INSC: variants seen among roughly 807,000 people sequenced by gnomAD.
INSC encodes the protein protein inscuteable homolog.
INSC carries 67 observed loss-of-function variants against 58.6 expected under a neutral mutation model. The ratio of observed to expected loss-of-function variants is 1.14; its 90% CI spans 0.94 to 1.40. INSC has a LOEUF of 1.40. Among genes scored for constraint, INSC ranks in the 40% most tolerant of loss-of-function variants. The pLI is 0.00. For missense variants in INSC, 714 were observed against 692.0 expected (o/e 1.03, Z -0.36); for synonymous variants, 262 against 276.1 (o/e 0.95, Z 0.51).
In INSC at chr11:15,114,992, C is replaced by G; in HGVS notation, c.-57C>G. On this transcript the variant is annotated 5_prime_UTR_variant, in exon 1 of 13. Transcript: ENST00000379556. ...CTGGCCGCTCGCACTACCAGCCTGT[C>G]TCGCACGCTAAGTAAGTAGACAGCT... is the stretch of plus-strand genomic sequence containing the variant. The G allele has an allele frequency of 1.0e-6, 1 of 985,482 alleles. No individual in the cohort carries two copies. Among genetic ancestry groups the G allele is most frequent in the Non-Finnish European group, 1.2e-6 (1 of 829,952 alleles). The allele number at this position is 985,482 out of a possible 1,614,324, so 61.0% of individuals were successfully genotyped here. A position where few individuals can be genotyped will look rare whatever the true frequency, so the allele number is the denominator to read the frequency against.
At chr11:15,127,409 G>A (rs756359241) in intron 1 of INSC, among the ~76,000 whole-genome samples, 3 of 152,218 alleles carry the variant, frequency 2.0e-5, no homozygotes, top group Non-Finnish European at 4.4e-5. Flanking sequence ...CTAGTGGGGA[G>A]GGCTGAAGCT....
intron 2 of INSC, among the ~76,000 whole-genome samples, chr11:15,159,393 A>G (rs1848936273): frequency 6.6e-6 from 1 of 152,214 alleles, no homozygotes; most frequent in Admixed American, 6.5e-5. Flanking sequence ...GAATTATCCT[A>G]AATGTCCACT....
chr11:15,156,261 C>T (rs1304289661), intron 2 of INSC, among the ~76,000 whole-genome samples: 2 of 152,170 alleles, frequency 1.3e-5, no homozygotes, highest in Non-Finnish European at 2.9e-5. Flanking sequence ...AAAGACCAGA[C>T]ACTCCATCGT....
chr11:15,256,491 A>G, the INSC span, among the ~76,000 whole-genome samples: 1 of 142,008 alleles, frequency 7.0e-6, no homozygotes. Context: ...ATTTCATTTC[A>G]TTTTTTTTTT....
chr11:15,214,792 T>C (rs2133915387), intron 7 of INSC, among the ~76,000 whole-genome samples: 1 of 152,298 alleles, frequency 6.6e-6, no homozygotes, highest in South Asian at 2.1e-4. Context: ...ACTGTTATTT[T>C]GGGAGTGGGT....
chr11:15,183,360 A>G (rs1849848194), intron 5 of INSC, among the ~76,000 whole-genome samples: 1 of 151,820 alleles, frequency 6.6e-6, no homozygotes, highest in African/African-American at 2.4e-5. Context: ...TCAAAAAAAA[A>G]AAAAAAAAAA....
At chr11:15,216,438 G>C (rs1851221491) in intron 7 of INSC, among the ~76,000 whole-genome samples, 1 of 152,082 alleles carries the variant, frequency 6.6e-6, no homozygotes, top group Non-Finnish European at 1.5e-5. Context: ...TCGTGTTGCT[G>C]TGCGTCTTTG....
chr11:15,183,351 CAA>C (rs66894801), intron 5 of INSC, among the ~76,000 whole-genome samples: 54 of 80,728 alleles, frequency 6.7e-4, no homozygotes, highest in Middle Eastern at 7.0e-3. Context: ...AACTCCATCT[CAA>C]AAAAAAAAAA....
chr11:15,265,092 G>C, the INSC span, among the ~76,000 whole-genome samples: 1 of 152,062 alleles, frequency 6.6e-6, no homozygotes, highest in Admixed American at 6.6e-5. Flanking sequence ...AAAGTGTTGT[G>C]CATTGTATAG....
chr11:15,215,798 G>A (rs1851194703), intron 7 of INSC, among the ~76,000 whole-genome samples: 1 of 152,138 alleles, frequency 6.6e-6, no homozygotes, highest in African/African-American at 2.4e-5. Context: ...CAGTGATGTG[G>A]CAATGGGGAG....
intron 8 of INSC, among the ~76,000 whole-genome samples, chr11:15,224,145 G>A (rs1348509535): frequency 6.6e-6 from 1 of 152,054 alleles, no homozygotes; most frequent in Non-Finnish European, 1.5e-5. Flanking sequence ...GATAAAAATG[G>A]GATTGTTGTA....
intron 2 of INSC, among the ~76,000 whole-genome samples, chr11:15,166,550 G>A (rs1849202820): frequency 6.6e-6 from 1 of 152,200 alleles, no homozygotes; most frequent in Non-Finnish European, 1.5e-5. Flanking sequence ...GCAGAGGATA[G>A]GGTGGGTTTG....
chr11:15,232,200 AC>A (rs1262358060), intron 9 of INSC, among the ~76,000 whole-genome samples: 9 of 152,174 alleles, frequency 5.9e-5, no homozygotes, highest in African/African-American at 2.2e-4. Flanking sequence ...GGACAGGCTC[AC>A]CTTTGGGAGG....
At chr11:15,153,928 G>A (rs903666375) in intron 2 of INSC, among the ~76,000 whole-genome samples, 1 of 152,310 alleles carries the variant, frequency 6.6e-6, no homozygotes, top group African/African-American at 2.4e-5. Context: ...CTGTCACTCA[G>A]CCTTCAGTAA....
At chr11:15,251,479 A>G (rs1402925694), downstream of INSC, among the ~76,000 whole-genome samples, 3 of 152,346 alleles carry the variant, frequency 2.0e-5, no homozygotes, top group East Asian at 5.8e-4. Context: ...CAACTCATGG[A>G]ATAGGCAAAA....
chr11:15,262,157 A>T, the INSC span, among the ~76,000 whole-genome samples: 3 of 152,100 alleles, frequency 2.0e-5, no homozygotes, highest in Admixed American at 2.0e-4. Flanking sequence ...TATCTTGCAG[A>T]AGGGCAAGGT....
At chr11:15,216,396 A>G (rs1851219453) in intron 7 of INSC, among the ~76,000 whole-genome samples, 1 of 152,066 alleles carries the variant, frequency 6.6e-6, no homozygotes, top group African/African-American at 2.4e-5. Context: ...TCCCCTCTCT[A>G]TCTCACTTTC....
At chr11:15,138,265 A>G (rs1848292562) in intron 1 of INSC, among the ~76,000 whole-genome samples, 1 of 152,256 alleles carries the variant, frequency 6.6e-6, no homozygotes. Flanking sequence ...TGGAAATATT[A>G]TGAGAAATTA....
the INSC span, among the ~76,000 whole-genome samples, chr11:15,266,459 G>C: frequency 6.6e-6 from 1 of 151,992 alleles, no homozygotes; most frequent in South Asian, 2.1e-4. Context: ...ATTTTACAGA[G>C]AATAGACTAG....
Sources: gnomAD v4.1 joint callset for allele counts (sites outside exome capture counted in the v4.1 genomes callset) on GRCh38, gnomAD v4.1.1 for gene constraint, MANE v1.5 for transcripts, NCBI Gene and HGNC (gene_info 2026-07-23, HGNC 2026-07-21) for gene names.